The following CPLX2 variants were observed in gnomAD, a reference collection of about 807,000 sequenced individuals.
The protein encoded by CPLX2 is complexin 2, also known as complexin-2.
In CPLX2, 5 loss-of-function variants were observed where a neutral mutation model predicts 16.3. That is an observed-to-expected ratio of 0.31 (90% CI 0.16 to 0.64). The LOEUF (loss-of-function observed/expected upper bound fraction) is 0.64. Ranked by LOEUF, CPLX2 falls within the 30% of genes least tolerant of loss-of-function variation. The pLI, the probability that CPLX2 is intolerant of heterozygous loss-of-function variation, is 0.79. For missense variants in CPLX2, 144 were observed against 181.4 expected (o/e 0.79, Z 1.18); for synonymous variants, 89 against 73.2 (o/e 1.22, Z -1.10).
chr5:175,856,706 G>A (rs938208308), intron 2 of CPLX2, among the ~76,000 whole-genome samples: 3 of 152,172 alleles, frequency 2.0e-5, no homozygotes, highest in African/African-American at 4.8e-5. Context: ...CAGAGATGAC[G>A]ATGGCAGCCT....
In CPLX2 at chr5:175,860,516, AAAAGAAAGAAAGAAAGAAAGAAAGAT is replaced by A. The variant is rs1329850388; in HGVS notation, c.-88-18134_-88-18109del. On this transcript the variant is annotated intron_variant, in intron 2 of 4. Transcript: ENST00000359546. The stretch of plus-strand genomic sequence containing the variant: ...AAGAAAGAAAAGAAAGAAAGAAAGA[AAAAGAAAGAAAGAAAGAAAGAAAGAT>A]AGATAGAAAGAAAGAAAGAAAAAGA... Among the ~76,000 whole-genome samples the A allele has an allele frequency of 0.039, 837 of 21,346 alleles. 11 individuals carry two copies. In the East Asian group the frequency reaches 0.41, roughly 10 times the overall value. 14.0% of individuals were successfully genotyped at this position (21,346 alleles called of 152,430 possible).
chr5:175,805,696 G>A (rs566029396), intron 1 of CPLX2: 4 of 152,514 alleles, frequency 2.6e-5, no homozygotes, highest in African/African-American at 9.6e-5. Flanking sequence ...ACGTTGCCAA[G>A]GGGAGGGCTG....
chr5:175,808,079 C>T (rs1413284901), intron 1 of CPLX2, among the ~76,000 whole-genome samples: 1 of 152,210 alleles, frequency 6.6e-6, no homozygotes, highest in Non-Finnish European at 1.5e-5. Context: ...GAGGACATTG[C>T]AGCCCCTTCA....
intron 3 of CPLX2, 45 bp downstream of exon 3, chr5:175,879,128 GTAAA>G (rs1259395379): frequency 6.5e-7 from 1 of 1,528,342 alleles, no homozygotes; most frequent in Admixed American, 2.0e-5. Context: ...CCACAAGCGG[GTAAA>G]ACCGGTCCAG....
intron 2 of CPLX2, among the ~76,000 whole-genome samples, chr5:175,863,322 G>A (rs980940682): frequency 1.6e-4 from 25 of 152,126 alleles, no homozygotes; most frequent in African/African-American, 6.0e-4. Flanking sequence ...GCAGACCCAG[G>A]GTCAGCTTCT....
chr5:175,815,660 AACTT>A (rs1233517220), intron 2 of CPLX2, among the ~76,000 whole-genome samples: 3 of 152,230 alleles, frequency 2.0e-5, no homozygotes, highest in African/African-American at 7.2e-5. Context: ...CATGGGAACT[AACTT>A]CTACTCATCC....
At chr5:175,799,565 TATATATATATAG>T (rs996106131) in intron 1 of CPLX2, among the ~76,000 whole-genome samples, 3 of 144,072 alleles carry the variant, frequency 2.1e-5, no homozygotes, top group African/African-American at 7.7e-5. Flanking sequence ...TATATATATA[TATATATATATAG>T]TAATCACAGC....
intron 1 of CPLX2, among the ~76,000 whole-genome samples, chr5:175,805,865 G>A (rs1431964363): frequency 2.6e-5 from 4 of 152,148 alleles, no homozygotes; most frequent in South Asian, 2.1e-4. Context: ...TGCCACAGAC[G>A]CCCATGTCAC....
rs1416670942 is a variant in CPLX2 at position 175,872,315 on chromosome 5, G to GCCGCCGCTTGGACAGCGCACGC, written c.-89+618_-89+639dup. On this transcript the variant is annotated intron_variant, in intron 1 of 3. Transcript: ENST00000393745. The surrounding 1 kb of genome is among the most constrained non-coding windows in gnomAD (Gnocchi z 5.0). ...GACTATTTGTCCCTTTCCGGGAGGA[G>GCCGCCGCTTGGACAGCGCACGC]CCGCCGCTTGGACAGCGCACGCCCG... is the stretch of plus-strand genomic sequence containing the variant. The GCCGCCGCTTGGACAGCGCACGC allele has an allele frequency of 1.3e-5, 2 of 152,670 alleles. No individual in the cohort carries two copies. The highest frequency in any genetic ancestry group is 3.8e-4 in the East Asian group (2 of 5,196). The allele number at this position is 152,670 out of a possible 1,614,324, so 9.5% of individuals were successfully genotyped here.
rs1049540782 is a variant in CPLX2 at position 175,830,699 on chromosome 5, G to A, written c.-89+21631G>A. 2.6e-5 allele frequency among the ~76,000 whole-genome samples: 4 copies of A among 152,232 alleles called. No individual in the cohort carries two copies. The highest frequency in any genetic ancestry group is 7.2e-5 in the African/African-American group (3 of 41,454). Reference sequence around the variant, plus strand: ...AGAGCTTTCCTGGAAACAGCAGGAAGCTATTTTTAAAGCAGCATCCGCAGG... The same window carrying A: ...AGAGCTTTCCTGGAAACAGCAGGAAACTATTTTTAAAGCAGCATCCGCAGG... On this transcript the variant is annotated intron_variant, in intron 2 of 4. Transcript: ENST00000359546. The surrounding 1 kb of genome is among the most constrained non-coding windows in gnomAD (Gnocchi z 4.0).
intron 1 of CPLX2, among the ~76,000 whole-genome samples, chr5:175,797,283 G>A (rs1045652171): frequency 2.0e-5 from 3 of 152,186 alleles, no homozygotes; most frequent in African/African-American, 7.2e-5. Flanking sequence ...CCAGAGAGGT[G>A]TCACCGGCGA....
At chr5:175,860,130 G>A (rs1759333845) in intron 2 of CPLX2, among the ~76,000 whole-genome samples, 1 of 152,222 alleles carries the variant, frequency 6.6e-6, no homozygotes, top group Non-Finnish European at 1.5e-5. Flanking sequence ...GCCCTCCCCA[G>A]GTGGTGGCAA....
chr5:175,874,464 C>A (rs1263657874), intron 1 of CPLX2, among the ~76,000 whole-genome samples: 1 of 152,132 alleles, frequency 6.6e-6, no homozygotes, highest in African/African-American at 2.4e-5. Flanking sequence ...GCCCCAGCAC[C>A]CAGAACAGTG....
intron 2 of CPLX2, among the ~76,000 whole-genome samples, chr5:175,814,056 A>G (rs1197226062): frequency 6.6e-6 from 1 of 152,264 alleles, no homozygotes; most frequent in Non-Finnish European, 1.5e-5. Flanking sequence ...TGCTAAGTAT[A>G]AAGTGAGTAA....
At chr5:175,854,168 G>A (rs1425648628) in intron 2 of CPLX2, among the ~76,000 whole-genome samples, 2 of 152,158 alleles carry the variant, frequency 1.3e-5, no homozygotes, top group South Asian at 2.1e-4. Flanking sequence ...TTGTCCTGAG[G>A]CCCCCACTTC....
At chr5:175,832,807 G>A (rs1308104113) in intron 2 of CPLX2, among the ~76,000 whole-genome samples, 2 of 152,148 alleles carry the variant, frequency 1.3e-5, no homozygotes, top group African/African-American at 2.4e-5. Flanking sequence ...GACCCAGGCA[G>A]GCCCCACACA....
chr5:175,825,018 T>G (rs1231989889), intron 2 of CPLX2, among the ~76,000 whole-genome samples: 1 of 152,152 alleles, frequency 6.6e-6, no homozygotes, highest in Admixed American at 6.5e-5. Flanking sequence ...TGGGATAGCA[T>G]CTGATGGCTT....
chr5:175,843,058 AAGG>A (rs1387351673), intron 2 of CPLX2, among the ~76,000 whole-genome samples: 14 of 152,278 alleles, frequency 9.2e-5, no homozygotes, highest in African/African-American at 2.9e-4. Flanking sequence ...CTTGCCAGTG[AAGG>A]AGGTTACCAG....
intron 2 of CPLX2, among the ~76,000 whole-genome samples, chr5:175,826,080 A>G (rs1436135993): frequency 6.6e-6 from 1 of 151,944 alleles, no homozygotes; most frequent in Non-Finnish European, 1.5e-5. Flanking sequence ...TGGTGCAGAC[A>G]GGGTGGGAGC....
Sources: gnomAD v4.1 joint callset for allele counts (sites outside exome capture counted in the v4.1 genomes callset) on GRCh38, gnomAD v4.1.1 for gene constraint, Gnocchi (gnomAD v3.1) non-coding constraint, MANE v1.5 for transcripts, NCBI Gene and HGNC (gene_info 2026-07-23, HGNC 2026-07-21) for gene names.